USP20: variants seen among roughly 807,000 people sequenced by gnomAD.
The protein encoded by USP20 is ubiquitin carboxyl-terminal hydrolase 20.
Under a neutral mutation model 124.2 loss-of-function variants are expected in USP20, and 80 were observed. That is an observed-to-expected ratio of 0.64 (90% confidence interval 0.54 to 0.78). USP20 has a LOEUF of 0.78. USP20 is among the 30% of genes least tolerant of loss of function. USP20 has a pLI of 0.00. For missense variants in USP20, 1,043 were observed against 1,244.4 expected, an observed-to-expected ratio of 0.84 and a Z score of 2.44; for synonymous variants, 481 against 512.3, an observed-to-expected ratio of 0.94 and a Z score of 0.83.
At chr9:129,858,839 TGAG>T (rs1379161274) in intron 6 of USP20, among the ~76,000 whole-genome samples, 5 of 152,000 alleles carry the variant, frequency 3.3e-5, no homozygotes, top group African/African-American at 9.7e-5. Context: ...GGGCCTCCCT[TGAG>T]GAGCTCGGAG....
intron 4 of USP20, among the ~76,000 whole-genome samples, chr9:129,857,271 C>T (rs186157160): frequency 8.3e-4 from 126 of 152,310 alleles, no homozygotes; most frequent in African/African-American, 2.9e-3. Context: ...AAGTGCAGGA[C>T]GTGGTCCTAC....
At position 129,856,146 on chromosome 9, in the gene USP20, A is replaced by T. The variant is rs1354626825; in HGVS notation, c.82-161A>T. Among the ~76,000 whole-genome samples, 3 of 152,266 alleles carry T rather than the reference A, an allele frequency of 2.0e-5. No individual in the cohort carries two copies. In the East Asian group the frequency reaches 5.8e-4, roughly 29 times the overall value. On this transcript the variant is annotated intron_variant, in intron 3 of 25. Transcript: ENST00000372429. ...GCTCCCCTGGGAGCCTAATTTGGAC[A>T]GGAAGTCTGGCGAAGGCCTTTCTGG...
intron 11 of USP20, among the ~76,000 whole-genome samples, 163 bp downstream of exon 11, chr9:129,868,612 G>T (rs1449148717): frequency 6.6e-6 from 1 of 152,124 alleles, no homozygotes; most frequent in African/African-American, 2.4e-5. Context: ...ATGTGCCCAG[G>T]GTCCCCTAGC....
In USP20 at chr9:129,879,310, CCAG is replaced by C. The variant is rs913734368; in HGVS notation, c.2513-259_2513-257del. ...GAAGGGGCGTGGTGAGCGGCAGCTG[CCAG>C]CAGAGATAAGGGCATGGGCCATCCA... On this transcript the variant is annotated intron_variant, in intron 23 of 25. Transcript: ENST00000372429. The surrounding 1 kb of genome is among the most constrained non-coding windows in gnomAD (Gnocchi z 4.2). The C allele has an allele frequency of 8.7e-5, 41 of 472,530 alleles. No individual in the cohort carries two copies. Among genetic ancestry groups the C allele is most frequent in the Middle Eastern group, 5.3e-4 (1 of 1,872 alleles). 29.3% of individuals were successfully genotyped at this position (472,530 alleles called of 1,614,324 possible). A position where few individuals can be genotyped will look rare whatever the true frequency, so the allele number is the denominator to read the frequency against.
intron 1 of USP20, among the ~76,000 whole-genome samples, chr9:129,849,222 G>A (rs2032762243): frequency 6.6e-6 from 1 of 152,172 alleles, no homozygotes. Context: ...CTCCTGGGGA[G>A]CACCAAGGTA....
At position 129,839,378 on chromosome 9, in the gene USP20, G is replaced by C. The variant is rs971246202; in HGVS notation, c.-129+3879G>C. 2.6e-5 allele frequency among the ~76,000 whole-genome samples: 4 copies of C among 152,276 alleles called. No homozygotes were observed. The highest frequency in any genetic ancestry group is 9.6e-5 in the African/African-American group (4 of 41,544). On this transcript the variant is annotated intron_variant, in intron 1 of 25. Transcript: ENST00000372429. The surrounding 1 kb of genome is among the most constrained non-coding windows in gnomAD (Gnocchi z 4.5). ...GGGGCAGGGGGAAGGGCGATGAGGA[G>C]ACACAGAAGTGTGTGGGCAGCAGAG...
chr9:129,846,131 A>G (rs1027623346), intron 1 of USP20, among the ~76,000 whole-genome samples: 4 of 148,416 alleles, frequency 2.7e-5, no homozygotes, highest in Non-Finnish European at 4.4e-5. Flanking sequence ...GGGTCTCACC[A>G]TGTTAGCCAG....
intron 1 of USP20, among the ~76,000 whole-genome samples, chr9:129,836,549 G>T (rs983606524): frequency 1.3e-5 from 2 of 152,108 alleles, no homozygotes; most frequent in Non-Finnish European, 2.9e-5. Context: ...ACATCTCATT[G>T]GCTAGGGGGA....
rs2034569790 is a variant in USP20, at chr9:129,879,960, GA to G, written c.2585-150del. Among the ~76,000 whole-genome samples the G allele has an allele frequency of 6.6e-6, 1 of 152,178 alleles. No individual in the cohort carries two copies. Among genetic ancestry groups the G allele is most frequent in the African/African-American group, 2.4e-5 (1 of 41,446 alleles). ...CTTAGCGGGATGGACATTCCTCTGG[GA>G]AATCCTGATTTCCATCTGACAGCTT... On this transcript the variant is annotated intron_variant, in intron 24 of 25. Coordinates refer to ENST00000372429, the MANE Select transcript of USP20 (RefSeq NM_001110303.4). The surrounding 1 kb of genome is among the most constrained non-coding windows in gnomAD (Gnocchi z 4.2).
intron 12 of USP20, 99 bp from the exon 13 acceptor site, chr9:129,869,211 C>G (rs1301209687): frequency 4.5e-6 from 6 of 1,345,438 alleles, no homozygotes; most frequent in Non-Finnish European, 5.2e-6. Flanking sequence ...ATGTGACTCA[C>G]GGATGTCACT....
intron 1 of USP20, among the ~76,000 whole-genome samples, chr9:129,845,305 T>C (rs1034298894): frequency 6.6e-6 from 1 of 152,080 alleles, no homozygotes; most frequent in African/African-American, 2.4e-5. Flanking sequence ...CCTCAGGAGT[T>C]TGGGGAAGAG....
rs1276107291 is a variant in USP20 at position 129,869,580 on chromosome 9, G to A, written c.1393-92G>A. The stretch of plus-strand genomic sequence containing the variant: ...CGTGGATCCCGTGTCTATGGCCTGG[G>A]GAGTAGTCCCTCTGCCCCTCACCTG... On this transcript the variant is annotated intron_variant, in intron 13 of 25. Coordinates refer to ENST00000372429, the MANE Select transcript of USP20 (RefSeq NM_001110303.4). The A allele has an allele frequency of 1.9e-6, 3 of 1,567,896 alleles. No individual in the cohort carries two copies. The African/African-American group carries it at 4.0e-5, about 21-fold the overall frequency.
chr9:129,864,104 C>CA (rs34045747), intron 9 of USP20, among the ~76,000 whole-genome samples: 115,219 of 136,686 alleles, frequency 0.84, 48,285 homozygotes, highest in Non-Finnish European at 0.88. Flanking sequence ...GACTCTGTCT[C>CA]AAAAAAAAAA....
In USP20 at chr9:129,868,378, C is replaced by T; in HGVS notation, c.1064C>T (p.Ala355Val). ...GACGCTGATGTGGACACTGCCATGG[C>T]TGCCCTTGACGACCAGCCCGCGGAG... ...DEDADVDTAM[A>V]ALDDQPAEAQ... Residue 355 changes from alanine (A) to valine (V), a missense_variant, in exon 11 of 26, where the codon GCT becomes GTT. By Grantham distance (64) the Ala-to-Val change is moderately conservative. Transcript: ENST00000372429. 1.3e-6 allele frequency: 2 copies of T among 1,504,710 alleles called. No individual in the cohort carries two copies. Among genetic ancestry groups the T allele is most frequent in the Non-Finnish European group, 1.8e-6 (2 of 1,125,866 alleles). 93.2% of individuals were successfully genotyped at this position (1,504,710 alleles called of 1,614,324 possible).
Position 129,870,445 on chromosome 9 carries a change from G to A in USP20, c.1566-8G>A, listed in dbSNP as rs746811541. ...GGCAGCACCCCTGCACTCCTTTTCTGTCTGTAGGTTTGTGGTATCCTGTAC... is the reference window on the plus strand; with the variant it reads ...GGCAGCACCCCTGCACTCCTTTTCTATCTGTAGGTTTGTGGTATCCTGTAC... On this transcript the variant is annotated splice_polypyrimidine_tract_variant and splice_region_variant and intron_variant, in intron 14 of 25. Transcript: ENST00000372429. 6.2e-7 allele frequency: 1 copy of A among 1,613,884 alleles called. No homozygotes were observed. Among genetic ancestry groups the A allele is most frequent in the Non-Finnish European group, 8.5e-7 (1 of 1,179,870 alleles).
intron 1 of USP20, among the ~76,000 whole-genome samples, chr9:129,846,292 G>A (rs2032565571): frequency 1.2e-5 from 1 of 86,334 alleles, no homozygotes; most frequent in South Asian, 4.3e-4. Flanking sequence ...GTCTTACCCT[G>A]TTGTCTAGGC....
intron 1 of USP20, among the ~76,000 whole-genome samples, chr9:129,846,119 C>T (rs867996746): frequency 1.7e-4 from 25 of 150,700 alleles, no homozygotes; most frequent in East Asian, 3.9e-4. Context: ...TTAGTAGAGA[C>T]GGGGTCTCAC....
intron 22 of USP20, 120 bp from the exon 23 acceptor site, chr9:129,878,218 T>A: frequency 1.3e-6 from 1 of 761,118 alleles, no homozygotes; most frequent in African/African-American, 1.7e-5. Flanking sequence ...CTTGAGTATC[T>A]GGTGTTTTTG....
chr9:129,841,690 C>T (rs1031275942), intron 1 of USP20, among the ~76,000 whole-genome samples: 7 of 152,186 alleles, frequency 4.6e-5, no homozygotes, highest in African/African-American at 7.2e-5. Flanking sequence ...GGTTCAGAAG[C>T]GCAGGCTGCC....
Sources: allele counts gnomAD v4.1 joint callset (sites outside exome capture counted in the v4.1 genomes callset), GRCh38; gene constraint gnomAD v4.1.1; non-coding constraint Gnocchi (gnomAD v3.1); transcripts MANE v1.5; gene names NCBI Gene and HGNC (gene_info 2026-07-23, HGNC 2026-07-21).